ULK4: variants seen among roughly 807,000 people sequenced by gnomAD.
The protein encoded by ULK4 is unc-51 like kinase 4.
ULK4 carries 133 observed loss-of-function variants against 160.6 expected under a neutral mutation model. That is an observed-to-expected ratio of 0.83 (90% CI 0.72 to 0.96). ULK4 has a LOEUF of 0.96. Ranked by LOEUF, ULK4 falls within the 40% of genes least tolerant of loss-of-function variation. ULK4 has a pLI of 0.00. For synonymous variants in ULK4, 534 were observed against 539.8 expected (o/e 0.99, Z 0.15); for missense variants, 1,580 against 1,499.5 (o/e 1.05, Z -0.89).
chr3:41,436,603 G>C (rs2083043331), intron 34 of ULK4, among the ~76,000 whole-genome samples: 1 of 152,262 alleles, frequency 6.6e-6, no homozygotes, highest in South Asian at 2.1e-4. Context: ...GGATGAAAAA[G>C]GAGCCTTTAT....
chr3:41,650,691 C>T (rs1353490253), intron 30 of ULK4, among the ~76,000 whole-genome samples: 1 of 152,242 alleles, frequency 6.6e-6, no homozygotes, highest in Non-Finnish European at 1.5e-5. Context: ...GCCTGCTGAG[C>T]CGAGTGGGCA....
intron 34 of ULK4, among the ~76,000 whole-genome samples, chr3:41,441,021 G>GTAGT (rs2083155044): frequency 6.6e-6 from 1 of 152,024 alleles, no homozygotes; most frequent in South Asian, 2.1e-4. Flanking sequence ...ATACAGGCAA[G>GTAGT]TAGTGTCTTT....
At chr3:41,771,417 G>A (rs1033361625) in intron 21 of ULK4, among the ~76,000 whole-genome samples, 2 of 152,198 alleles carry the variant, frequency 1.3e-5, no homozygotes, top group Admixed American at 1.3e-4. Flanking sequence ...AGGAACCGTA[G>A]AATTACAAAT....
At chr3:41,692,499 C>T (rs938279236) in intron 27 of ULK4, among the ~76,000 whole-genome samples, 3 of 151,152 alleles carry the variant, frequency 2.0e-5, no homozygotes, top group Non-Finnish European at 2.9e-5. Flanking sequence ...TATACATATA[C>T]GTTATATATT....
intron 20 of ULK4, among the ~76,000 whole-genome samples, chr3:41,797,534 G>A (rs944317397): frequency 6.6e-6 from 1 of 152,084 alleles, no homozygotes; most frequent in Non-Finnish European, 1.5e-5. Flanking sequence ...CTGAAGAACT[G>A]TGTCAGACTG....
At chr3:41,844,534 G>A (rs1054060502) in intron 17 of ULK4, among the ~76,000 whole-genome samples, 15 of 152,182 alleles carry the variant, frequency 9.9e-5, no homozygotes, top group Non-Finnish European at 1.9e-4. Context: ...CCCGGTTGCC[G>A]CTCGCGCCTC....
chr3:41,804,303 C>T (rs2040566654), intron 19 of ULK4, among the ~76,000 whole-genome samples: 1 of 152,126 alleles, frequency 6.6e-6, no homozygotes, highest in Non-Finnish European at 1.5e-5. Context: ...AGTGTCTGTT[C>T]ATGTCCTTCG....
At chr3:41,541,479 T>C (rs1242630535) in intron 32 of ULK4, among the ~76,000 whole-genome samples, 1 of 152,172 alleles carries the variant, frequency 6.6e-6, no homozygotes. Flanking sequence ...CCAGCTTTGT[T>C]CTTTTTGCTT....
At chr3:41,593,290 T>C (rs1299600059) in intron 31 of ULK4, among the ~76,000 whole-genome samples, 1 of 152,224 alleles carries the variant, frequency 6.6e-6, no homozygotes, top group African/African-American at 2.4e-5. Flanking sequence ...AAAGAAGTGA[T>C]GTGATAGGTC....
intron 35 of ULK4, among the ~76,000 whole-genome samples, chr3:41,355,102 AC>A (rs2081003084): frequency 6.6e-6 from 1 of 152,320 alleles, no homozygotes; most frequent in Admixed American, 6.5e-5. Context: ...AAAGACAATT[AC>A]CTTTTCAAGA....
At chr3:41,919,867 C>T in intron 5 of ULK4, 49 bp from the exon 6 acceptor site, 1 of 1,252,930 alleles carries the variant, frequency 8.0e-7, no homozygotes, top group South Asian at 1.3e-5. Flanking sequence ...TGTATTGCTG[C>T]CAACACGAAC....
At chr3:41,456,767 A>C (rs1339133123) in intron 33 of ULK4, among the ~76,000 whole-genome samples, 3 of 152,182 alleles carry the variant, frequency 2.0e-5, no homozygotes, top group Non-Finnish European at 4.4e-5. Flanking sequence ...GCCAGAGCTA[A>C]CAGAGCAGGC....
At chr3:41,731,074 G>T (rs7621917) in intron 22 of ULK4, among the ~76,000 whole-genome samples, 428 of 152,052 alleles carry the variant, frequency 2.8e-3, no homozygotes, top group African/African-American at 9.8e-3. Context: ...ATGGCTAAAT[G>T]TAATACCTGA....
chr3:41,590,461 C>CAAAA (rs71075479), intron 31 of ULK4, among the ~76,000 whole-genome samples: 180 of 56,886 alleles, frequency 3.2e-3, no homozygotes, highest in Non-Finnish European at 4.4e-3. Context: ...ACTAAAAATA[C>CAAAA]AAAAAAAAAA....
intron 18 of ULK4, among the ~76,000 whole-genome samples, chr3:41,830,834 CG>C (rs937283792): frequency 6.6e-6 from 1 of 151,332 alleles, no homozygotes; most frequent in Non-Finnish European, 1.5e-5. Flanking sequence ...TTTATTTTCT[CG>C]GGGGGTATAC....
intron 19 of ULK4, among the ~76,000 whole-genome samples, chr3:41,816,596 C>T (rs980757063): frequency 6.6e-5 from 10 of 152,210 alleles, no homozygotes; most frequent in African/African-American, 2.4e-4. Flanking sequence ...AGGTGGATTC[C>T]TAGAGCCTAT....
intron 22 of ULK4, among the ~76,000 whole-genome samples, chr3:41,737,075 A>G (rs2038079924): frequency 6.6e-6 from 1 of 152,074 alleles, no homozygotes; most frequent in South Asian, 2.1e-4. Flanking sequence ...TACCAGTACC[A>G]TGCTGTTTTG....
chr3:41,650,555 G>A (rs568996450), intron 30 of ULK4, among the ~76,000 whole-genome samples: 31 of 152,316 alleles, frequency 2.0e-4, no homozygotes, highest in Admixed American at 2.0e-3. Context: ...CCACCCTGCC[G>A]CAGACGGCAC....
At chr3:41,868,727 C>A (rs1246183160) in intron 17 of ULK4, among the ~76,000 whole-genome samples, 1 of 151,946 alleles carries the variant, frequency 6.6e-6, no homozygotes, top group African/African-American at 2.4e-5. Context: ...GAACTTCCGA[C>A]CTCAAGTGAT....
Sources: allele counts gnomAD v4.1 joint callset (sites outside exome capture counted in the v4.1 genomes callset), GRCh38; gene constraint gnomAD v4.1.1; transcripts MANE v1.5; gene names NCBI Gene and HGNC (gene_info 2026-07-23, HGNC 2026-07-21).